The following HMGA2 variants were observed in gnomAD, a reference collection of about 807,000 sequenced individuals.
The protein encoded by HMGA2 is high mobility group AT-hook 2, also known as high mobility group protein HMGI-C.
HMGA2 carries 8 observed loss-of-function variants against 19.1 expected under a neutral mutation model. The observed-to-expected ratio is 0.42, with a 90% CI of 0.25 to 0.76. The LOEUF (loss-of-function observed/expected upper bound fraction) is 0.76. Among genes scored for constraint, HMGA2 ranks in the 30% least tolerant of loss-of-function variants. The probability of loss-of-function intolerance (pLI) is 0.28; values close to 1 mark genes in which losing one functional copy is unlikely to be tolerated. For synonymous variants in HMGA2, 60 were observed against 48.8 expected (o/e 1.23, Z -0.96); for missense variants, 109 against 136.3 (o/e 0.80, Z 1.00).
chr12:65,825,105 G>A lies in HMGA2; in HGVS notation c.-166G>A. 3.8e-6 allele frequency: 2 copies of A among 531,526 alleles called. No homozygotes were observed. The highest frequency in any genetic ancestry group is 2.5e-5 in the South Asian group (1 of 39,878). 32.9% of individuals were successfully genotyped at this position (531,526 alleles called of 1,614,324 possible). On this transcript the variant is annotated 5_prime_UTR_variant, in exon 1 of 5. Transcript: ENST00000403681. The surrounding 1 kb of genome is among the most constrained non-coding windows in gnomAD (Gnocchi z 4.4). ...CCGCTGGACGTCCGGTGTTGATGGT[G>A]GCAGCGGCGGCAGCCTAAGCAACAG...
chr12:65,841,219 C>G (rs993216800), intron 3 of HMGA2, among the ~76,000 whole-genome samples: 1 of 152,082 alleles, frequency 6.6e-6, no homozygotes, highest in Non-Finnish European at 1.5e-5. Context: ...ATCAGATCTT[C>G]CTGCTGGGTA....
Position 65,824,559 on chromosome 12 carries a change from G to C in HMGA2, c.-712G>C, listed in dbSNP as rs1057393338. The stretch of plus-strand genomic sequence containing the variant: ...GCAGCCCGTCCCCCTCCGACTCTCC[G>C]GTGCCGCCGCTGCCTGCTCCCGCCA... On this transcript the variant is annotated 5_prime_UTR_variant, in exon 1 of 5. Transcript: ENST00000403681. 2 of 233,002 alleles carry C rather than the reference G, an allele frequency of 8.6e-6. No homozygotes were observed. The highest frequency in any genetic ancestry group is 1.7e-5 in the Non-Finnish European group (2 of 118,300). 14.4% of individuals were successfully genotyped at this position (233,002 alleles called of 1,614,324 possible).
chr12:65,862,789 GT>G (rs1321947368), intron 3 of HMGA2, among the ~76,000 whole-genome samples: 1 of 152,198 alleles, frequency 6.6e-6, no homozygotes, highest in Non-Finnish European at 1.5e-5. Context: ...AGCCATGGCT[GT>G]GGATAAAGAT....
intron 3 of HMGA2, chr12:65,843,514 A>G (rs1481162936): frequency 5.3e-6 from 1 of 186,928 alleles, no homozygotes; most frequent in African/African-American, 2.3e-5. Context: ...AATAAAATCT[A>G]CTACACACAT....
At chr12:65,858,680 T>TA (rs528296831) in intron 3 of HMGA2, 8 of 152,084 alleles carry the variant, frequency 5.3e-5, no homozygotes, top group Non-Finnish European at 7.4e-5. Context: ...TCCAGGGGTT[T>TA]AAAAAAATGT....
intron 3 of HMGA2, among the ~76,000 whole-genome samples, chr12:65,885,619 G>T (rs954825822): frequency 1.9e-4 from 29 of 152,302 alleles, no homozygotes; most frequent in African/African-American, 7.0e-4. Flanking sequence ...CAAATAACAT[G>T]TTGGAAAATG....
At chr12:65,848,934 A>G (rs1466161147) in intron 3 of HMGA2, among the ~76,000 whole-genome samples, 4 of 152,220 alleles carry the variant, frequency 2.6e-5, no homozygotes, top group African/African-American at 9.6e-5. Flanking sequence ...AAACCCAAAT[A>G]TCTTCAATAT....
intron 3 of HMGA2, among the ~76,000 whole-genome samples, chr12:65,917,465 C>G (rs1875146894): frequency 6.6e-6 from 1 of 152,118 alleles, no homozygotes; most frequent in African/African-American, 2.4e-5. Flanking sequence ...TAGCACAGAG[C>G]TTTATAAGAC....
At chr12:65,945,383 C>T (rs937207303) in intron 3 of HMGA2, among the ~76,000 whole-genome samples, 9 of 152,062 alleles carry the variant, frequency 5.9e-5, no homozygotes, top group African/African-American at 1.9e-4. Flanking sequence ...CACATAATTT[C>T]GTGAAAGGCA....
At chr12:65,843,093 T>A (rs1251284611) in intron 3 of HMGA2, 1 of 230,718 alleles carries the variant, frequency 4.3e-6, no homozygotes, top group African/African-American at 2.2e-5. Context: ...GAAAAATATT[T>A]CCCTATATGA....
chr12:65,834,509 G>GCCCT (rs1184069257), intron 2 of HMGA2, among the ~76,000 whole-genome samples: 2 of 149,552 alleles, frequency 1.3e-5, no homozygotes, highest in African/African-American at 4.9e-5. Flanking sequence ...CTTTCCTCTT[G>GCCCT]CCCTCCCTCC....
chr12:65,940,631 A>T (rs1251361058), intron 3 of HMGA2, among the ~76,000 whole-genome samples: 1 of 152,234 alleles, frequency 6.6e-6, no homozygotes, highest in Non-Finnish European at 1.5e-5. Context: ...AAAAATAAGA[A>T]GCACAGAATA....
intron 3 of HMGA2, among the ~76,000 whole-genome samples, chr12:65,890,586 A>G (rs892463608): frequency 2.0e-5 from 3 of 152,150 alleles, no homozygotes; most frequent in Non-Finnish European, 4.4e-5. Context: ...TACATATACC[A>G]TGAAAATCAG....
At chr12:65,915,611 T>C in intron 3 of HMGA2, 1 of 970,836 alleles carries the variant, frequency 1.0e-6, no homozygotes, top group Non-Finnish European at 1.3e-6. Flanking sequence ...GTGTCTTTTA[T>C]CCTCTGTGCA....
intron 3 of HMGA2, among the ~76,000 whole-genome samples, chr12:65,845,035 A>G (rs1319118347): frequency 6.6e-6 from 1 of 152,216 alleles, no homozygotes. Flanking sequence ...TACACAGTGT[A>G]CTATCCCTAC....
intron 2 of HMGA2, among the ~76,000 whole-genome samples, chr12:65,838,144 T>C (rs1870812693): frequency 6.6e-6 from 1 of 152,160 alleles, no homozygotes; most frequent in Non-Finnish European, 1.5e-5. Context: ...TTAAGAAATA[T>C]TAATTTTCTA....
chr12:65,840,230 T>G (rs1159556225), intron 3 of HMGA2, among the ~76,000 whole-genome samples: 1 of 152,210 alleles, frequency 6.6e-6, no homozygotes, highest in East Asian at 1.9e-4. Context: ...ACTCTAAAAC[T>G]TAATAGTGTA....
intron 3 of HMGA2, chr12:65,915,112 T>C (rs759617209): frequency 4.3e-6 from 7 of 1,613,686 alleles, no homozygotes; most frequent in Non-Finnish European, 5.9e-6. Context: ...TGGGAAACAG[T>C]ACCAAAAGGA....
At chr12:65,949,533 T>C (rs971999811) in intron 3 of HMGA2, among the ~76,000 whole-genome samples, 32 of 152,188 alleles carry the variant, frequency 2.1e-4, no homozygotes, top group Non-Finnish European at 1.5e-4. Flanking sequence ...CATGCCTATA[T>C]TCAGACATGA....
Sources: allele counts gnomAD v4.1 joint callset (sites outside exome capture counted in the v4.1 genomes callset), GRCh38; gene constraint gnomAD v4.1.1; non-coding constraint Gnocchi (gnomAD v3.1); transcripts MANE v1.5; gene names NCBI Gene and HGNC (gene_info 2026-07-23, HGNC 2026-07-21).